Variants in RIC1 observed in about 807,000 individuals in gnomAD.
The protein encoded by RIC1 is guanine nucleotide exchange factor subunit RIC1.
A neutral mutation model predicts 169.0 loss-of-function variants in RIC1; 88 were observed. The observed-to-expected ratio is 0.52, with a 90% CI of 0.44 to 0.62. The LOEUF is 0.62. Among genes scored for constraint, RIC1 ranks in the 20% least tolerant of loss-of-function variants. The pLI is 0.00. For synonymous variants in RIC1, 790 were observed against 601.5 expected (o/e 1.31, Z -4.59); for missense variants, 1,877 against 1,725.5 (o/e 1.09, Z -1.56).
At chr9:5,700,486 A>G (rs1822146830) in intron 3 of RIC1, among the ~76,000 whole-genome samples, 1 of 152,112 alleles carries the variant, frequency 6.6e-6, no homozygotes, top group Non-Finnish European at 1.5e-5. Context: ...CCATCTACAA[A>G]TCTTAAAAAT....
intron 14 of RIC1, among the ~76,000 whole-genome samples, chr9:5,754,034 GTGTA>G (rs1297357527): frequency 2.0e-5 from 3 of 152,290 alleles, no homozygotes; most frequent in African/African-American, 7.2e-5. Flanking sequence ...GTGTGTGTAT[GTGTA>G]TGTGTGTGTA....
At chr9:5,673,249 A>C (rs1162263693) in intron 2 of RIC1, among the ~76,000 whole-genome samples, 2 of 152,052 alleles carry the variant, frequency 1.3e-5, no homozygotes, top group African/African-American at 4.8e-5. Flanking sequence ...ATGGACGAAC[A>C]AGGCAACTTG....
intron 2 of RIC1, among the ~76,000 whole-genome samples, chr9:5,659,519 A>G (rs945092222): frequency 2.6e-5 from 4 of 152,294 alleles, no homozygotes; most frequent in South Asian, 4.1e-4. Context: ...AGTCCCTAAG[A>G]TGCTATATGA....
At chr9:5,707,066 T>G (rs1442482539) in intron 3 of RIC1, among the ~76,000 whole-genome samples, 5 of 152,166 alleles carry the variant, frequency 3.3e-5, no homozygotes, top group African/African-American at 1.2e-4. Flanking sequence ...CTTCATTCAC[T>G]GTATCCCATA....
intron 21 of RIC1, among the ~76,000 whole-genome samples, chr9:5,766,468 C>A (rs895025608): frequency 6.6e-6 from 1 of 150,638 alleles, no homozygotes; most frequent in Non-Finnish European, 1.5e-5. Context: ...ATACACTGCA[C>A]CATATTTGTT....
rs1003020719 is a variant in RIC1 at position 5,647,931 on chromosome 9, G to C, written c.145-8652G>C. Among the ~76,000 whole-genome samples the C allele has an allele frequency of 2.1e-5, 3 of 144,462 alleles. No individual in the cohort carries two copies. The Admixed American group carries it at 2.1e-4, about 10-fold the overall frequency. The allele number at this position is 144,462 out of a possible 152,430, so 94.8% of individuals were successfully genotyped here. ...TGTTTGTTTTTTGTTTGTGTGTGTG[G>C]GGGTGGGTGGTGGTGGTGGTGGTGG... On this transcript the variant is annotated intron_variant, in intron 1 of 25. Coordinates refer to ENST00000414202, the MANE Select transcript of RIC1 (RefSeq NM_020829.4).
At chr9:5,712,369 C>T (rs959768079) in intron 3 of RIC1, among the ~76,000 whole-genome samples, 6 of 152,090 alleles carry the variant, frequency 3.9e-5, no homozygotes, top group Non-Finnish European at 8.8e-5. Flanking sequence ...AGAGCTTCTG[C>T]GCAGCAAAAG....
intron 7 of RIC1, 134 bp downstream of exon 7, chr9:5,732,613 A>T (rs980208435): frequency 3.9e-6 from 2 of 509,722 alleles, no homozygotes; most frequent in Non-Finnish European, 3.4e-6. Flanking sequence ...GTCAACCTTA[A>T]TATGAAATGT....
chr9:5,774,441 C>G lies in RIC1; in HGVS notation c.*195C>G, dbSNP rs1827465655. ...TAAAAATGTGATATAAAGCATCTTT[C>G]ATAAAAAAATTTTAAGCTGCAGTGA... On this transcript the variant is annotated 3_prime_UTR_variant, in exon 26 of 26. Transcript: ENST00000414202. 4.2e-6 allele frequency: 2 copies of G among 474,420 alleles called. No homozygotes were observed. The highest frequency in any genetic ancestry group is 7.1e-6 in the Non-Finnish European group (2 of 280,366). 29.4% of individuals were successfully genotyped at this position (474,420 alleles called of 1,614,324 possible). A position where few individuals can be genotyped will look rare whatever the true frequency, so the allele number is the denominator to read the frequency against.
chr9:5,718,840 A>G (rs937785472), intron 4 of RIC1, among the ~76,000 whole-genome samples: 1 of 152,194 alleles, frequency 6.6e-6, no homozygotes, highest in African/African-American at 2.4e-5. Context: ...TCTGTTTCTG[A>G]TCTTTTTCAG....
At chr9:5,684,208 G>T (rs541364293) in intron 2 of RIC1, among the ~76,000 whole-genome samples, 4 of 130,490 alleles carry the variant, frequency 3.1e-5, no homozygotes, top group Admixed American at 9.5e-5. Flanking sequence ...GAAATCACCC[G>T]TCTTCTGTGT....
Position 5,774,196 on chromosome 9 carries a change from G to C in RIC1, c.4222G>C (p.Glu1408Gln). ...SRKEEDTAQA[E>Q]EEEPFQDGTY... ...GAAAGAGGAGGACACAGCCCAAGCA[G>C]AGGAGGAAGAACCTTTTCAGGATGG... The change falls in exon 26 of 26, where the codon GAG (glutamate) becomes CAG (glutamine). Residue 1408 changes from glutamate to glutamine, a missense_variant. By Grantham distance (29) the Glu-to-Gln change is conservative. Transcript: ENST00000414202. 4 of 1,613,890 alleles carry C rather than the reference G, an allele frequency of 2.5e-6. No individual in the cohort carries two copies. Among genetic ancestry groups the C allele is most frequent in the Non-Finnish European group, 3.4e-6 (4 of 1,179,906 alleles).
chr9:5,709,530 T>G lies in RIC1; in HGVS notation c.333-4366T>G, dbSNP rs7043596. Reference sequence around the variant, plus strand: ...CCTGTCTCAAAAGATTACAAATGATTGGTTGAGAGGATGTGTATAGAACGT... The same window carrying G: ...CCTGTCTCAAAAGATTACAAATGATGGGTTGAGAGGATGTGTATAGAACGT... On this transcript the variant is annotated intron_variant, in intron 3 of 25. Transcript: ENST00000414202. Among the ~76,000 whole-genome samples, 254 of 152,102 alleles carry G rather than the reference T, an allele frequency of 1.7e-3. 1 individual carries two copies. Among genetic ancestry groups the G allele is most frequent in the African/African-American group, 5.8e-3 (241 of 41,476 alleles).
intron 2 of RIC1, among the ~76,000 whole-genome samples, chr9:5,667,807 G>A (rs1199172831): frequency 1.3e-5 from 2 of 152,092 alleles, no homozygotes; most frequent in African/African-American, 2.4e-5. Context: ...CTGGGCCTGA[G>A]ATGTGCCTTT....
At chr9:5,641,607 T>C (rs1207302217) in intron 1 of RIC1, among the ~76,000 whole-genome samples, 5 of 152,172 alleles carry the variant, frequency 3.3e-5, no homozygotes, top group Admixed American at 6.5e-5. Context: ...CTGTTTTCTA[T>C]TCTTTTTTCT....
At chr9:5,773,152 C>A (rs752041851) in intron 25 of RIC1, 72 bp downstream of exon 25, 9 of 798,444 alleles carry the variant, frequency 1.1e-5, no homozygotes, top group Non-Finnish European at 1.5e-5. Context: ...CACATTAAGG[C>A]CTAGTTATGG....
intron 1 of RIC1, among the ~76,000 whole-genome samples, chr9:5,645,951 T>TA (rs1300415526): frequency 1.3e-5 from 2 of 150,068 alleles, no homozygotes; most frequent in Non-Finnish European, 3.0e-5. Context: ...TTCTATAGGT[T>TA]TTTTTTTTTT....
At chr9:5,717,849 A>T (rs1563923120) in intron 4 of RIC1, among the ~76,000 whole-genome samples, 1 of 151,108 alleles carries the variant, frequency 6.6e-6, no homozygotes, top group Non-Finnish European at 1.5e-5. Context: ...AATAAAAAAA[A>T]AAAAAGTTCA....
At position 5,775,524 on chromosome 9, in the gene RIC1, A is replaced by G. The variant is rs1033299117; in HGVS notation, c.*1278A>G. 6.6e-6 allele frequency: 1 copy of G among 152,212 alleles called. No individual in the cohort carries two copies. The highest frequency in any genetic ancestry group is 1.5e-5 in the Non-Finnish European group (1 of 68,026). The allele number at this position is 152,212 out of a possible 1,614,324, so 9.4% of individuals were successfully genotyped here. On this transcript the variant is annotated 3_prime_UTR_variant, in exon 26 of 26. Transcript: ENST00000414202. ...ACAAAAAACAAACTTGTTTATTTTTATAATAACGATGTATTTGATGTGGAC... is the reference window on the plus strand; with the variant it reads ...ACAAAAAACAAACTTGTTTATTTTTGTAATAACGATGTATTTGATGTGGAC...
Sources: allele counts gnomAD v4.1 joint callset (sites outside exome capture counted in the v4.1 genomes callset), GRCh38; gene constraint gnomAD v4.1.1; transcripts MANE v1.5; gene names NCBI Gene and HGNC (gene_info 2026-07-23, HGNC 2026-07-21).